PTDSS1: variants seen among roughly 807,000 people sequenced by gnomAD.
The protein encoded by PTDSS1 is PSS-1.
PTDSS1 carries 45 observed loss-of-function variants against 70.5 expected under a neutral mutation model. That is an observed-to-expected ratio of 0.64 (90% CI 0.50 to 0.82). The LOEUF is 0.82. Among genes scored for constraint, PTDSS1 ranks in the 40% least tolerant of loss-of-function variants. The probability of loss-of-function intolerance (pLI) is 0.00; values close to 1 mark genes in which losing one functional copy is unlikely to be tolerated. For missense variants in PTDSS1, 417 were observed against 586.1 expected (o/e 0.71, Z 2.98); for synonymous variants, 188 against 203.8 (o/e 0.92, Z 0.66).
chr8:96,263,350 C>T (rs1810439545), intron 1 of PTDSS1, among the ~76,000 whole-genome samples: 1 of 152,162 alleles, frequency 6.6e-6, no homozygotes, highest in Admixed American at 6.5e-5. Context: ...GGAAGTCACA[C>T]CTCTCTCACC....
rs762322180 is a variant in PTDSS1, at chr8:96,333,638, C to T, written c.*72C>T. The T allele has an allele frequency of 9.7e-6, 14 of 1,450,412 alleles. No homozygotes were observed. The highest frequency in any genetic ancestry group is 3.4e-5 in the Admixed American group (2 of 59,280). The allele number at this position is 1,450,412 out of a possible 1,614,324, so 89.8% of individuals were successfully genotyped here. On this transcript the variant is annotated 3_prime_UTR_variant, in exon 13 of 13. Transcript: ENST00000517309. The stretch of plus-strand genomic sequence containing the variant: ...GGGAAATGGAACTCATTTGGAACTC[C>T]CCGTGAGGAGGTCGAGGCGCACAGG...
At chr8:96,295,386 C>CT in intron 5 of PTDSS1, 130 bp downstream of exon 5, 1 of 992,774 alleles carries the variant, frequency 1.0e-6, no homozygotes, top group East Asian at 3.1e-5. Context: ...GTATTTAAAC[C>CT]ATCCCATAAG....
In PTDSS1 at chr8:96,333,740, G is replaced by A. The variant is rs1235890747; in HGVS notation, c.*174G>A. On this transcript the variant is annotated 3_prime_UTR_variant, in exon 13 of 13. Transcript: ENST00000517309. ...TCTTGTTTCCCACAGACCTGGCCGC[G>A]TCAGGCAGATCATCGCCTGGGGGGC... 2 of 739,194 alleles carry A rather than the reference G, an allele frequency of 2.7e-6. No individual in the cohort carries two copies. The highest frequency in any genetic ancestry group is 1.7e-5 in the African/African-American group (1 of 57,870). 45.8% of individuals were successfully genotyped at this position (739,194 alleles called of 1,614,324 possible).
chr8:96,294,205 G>A (rs990353442), intron 4 of PTDSS1, among the ~76,000 whole-genome samples: 1 of 152,196 alleles, frequency 6.6e-6, no homozygotes, highest in Non-Finnish European at 1.5e-5. Flanking sequence ...AAGAGACAGG[G>A]AAGCTCTTTT....
At chr8:96,310,332 G>T (rs190782836) in intron 9 of PTDSS1, among the ~76,000 whole-genome samples, 2,208 of 151,266 alleles carry the variant, frequency 0.015, 22 homozygotes, top group South Asian at 0.04. Context: ...ACCCTACTAA[G>T]TTTTGTATTT....
At chr8:96,310,234 G>A (rs1276316281) in intron 9 of PTDSS1, among the ~76,000 whole-genome samples, 3 of 147,450 alleles carry the variant, frequency 2.0e-5, no homozygotes, top group Non-Finnish European at 4.5e-5. Context: ...GCATGATCTC[G>A]GCTCACTGCA....
intron 4 of PTDSS1, among the ~76,000 whole-genome samples, chr8:96,287,815 AT>A (rs1417316066): frequency 1.3e-5 from 2 of 152,246 alleles, no homozygotes; most frequent in African/African-American, 4.8e-5. Flanking sequence ...GAGACTAATT[AT>A]GTGGGAAAAA....
intron 4 of PTDSS1, among the ~76,000 whole-genome samples, chr8:96,293,488 G>T (rs763886613): frequency 8.5e-5 from 13 of 152,254 alleles, no homozygotes; most frequent in Non-Finnish European, 1.5e-4. Flanking sequence ...ACTGTCTTCA[G>T]TTAAAGCCTG....
At chr8:96,283,977 GAA>G (rs56658341) in intron 2 of PTDSS1, 130 bp from the exon 3 acceptor site, 254 of 533,864 alleles carry the variant, frequency 4.8e-4, no homozygotes, top group Middle Eastern at 1.4e-3. Context: ...TGTTTATGTA[GAA>G]AAAAAAAAAA....
intron 9 of PTDSS1, 76 bp from the exon 10 acceptor site, chr8:96,320,170 A>T: frequency 7.9e-7 from 1 of 1,269,272 alleles, no homozygotes; most frequent in African/African-American, 1.5e-5. Context: ...TTTTCATTCA[A>T]TCATGCATAT....
chr8:96,322,911 A>C (rs1811392216), intron 10 of PTDSS1, among the ~76,000 whole-genome samples: 1 of 151,996 alleles, frequency 6.6e-6, no homozygotes, highest in Non-Finnish European at 1.5e-5. Context: ...CACAGCCAAG[A>C]AGAACTATGC....
At chr8:96,325,284 C>G (rs1403688878) in intron 10 of PTDSS1, among the ~76,000 whole-genome samples, 2 of 152,174 alleles carry the variant, frequency 1.3e-5, no homozygotes, top group African/African-American at 4.8e-5. Context: ...TCATCACTGC[C>G]CTCCAAGGAT....
At chr8:96,329,157 G>C (rs916115097) in intron 10 of PTDSS1, among the ~76,000 whole-genome samples, 11 of 152,262 alleles carry the variant, frequency 7.2e-5, no homozygotes, top group Admixed American at 2.6e-4. Flanking sequence ...CCCACAGTTG[G>C]TGCAAGATGA....
chr8:96,287,360 G>A (rs914314758), intron 4 of PTDSS1: 2 of 558,386 alleles, frequency 3.6e-6, no homozygotes, highest in Non-Finnish European at 3.1e-6. Context: ...AGGGGTCTGT[G>A]AGGAAGAATG....
At chr8:96,275,918 T>C (rs1810634604) in intron 2 of PTDSS1, among the ~76,000 whole-genome samples, 1 of 152,212 alleles carries the variant, frequency 6.6e-6, no homozygotes, top group Admixed American at 6.5e-5. Context: ...ATTTCTCTTA[T>C]GTCCTCTGTC....
Position 96,273,429 on chromosome 8 carries a change from G to C in PTDSS1, c.271+39G>C, listed in dbSNP as rs76827815. 6.3e-3 allele frequency: 9,351 copies of C among 1,483,992 alleles called. 37 individuals are homozygous for C. Among genetic ancestry groups the C allele is most frequent in the Non-Finnish European group, 7.6e-3 (8,305 of 1,085,750 alleles). 91.9% of individuals were successfully genotyped at this position (1,483,992 alleles called of 1,614,324 possible). A position where few individuals can be genotyped will look rare whatever the true frequency, so the allele number is the denominator to read the frequency against. On this transcript the variant is annotated intron_variant, in intron 2 of 12. Transcript: ENST00000517309. ...TGCATTACCACATTTCTCCTATATTGTGCCTTTCTGGTTTTTTTGAGATGT... is the reference window on the plus strand; with the variant it reads ...TGCATTACCACATTTCTCCTATATTCTGCCTTTCTGGTTTTTTTGAGATGT...
chr8:96,265,966 G>T (rs944385681), intron 1 of PTDSS1, among the ~76,000 whole-genome samples: 2 of 152,182 alleles, frequency 1.3e-5, no homozygotes, highest in African/African-American at 4.8e-5. Flanking sequence ...AAATGCTTAC[G>T]CATATGTCTT....
chr8:96,313,017 A>T (rs1811234527), intron 9 of PTDSS1, among the ~76,000 whole-genome samples: 1 of 152,224 alleles, frequency 6.6e-6, no homozygotes, highest in African/African-American at 2.4e-5. Context: ...GAGAGGGAGC[A>T]GTGCCTTAAA....
chr8:96,318,075 A>T (rs1811321540), intron 9 of PTDSS1, among the ~76,000 whole-genome samples: 7 of 152,082 alleles, frequency 4.6e-5, no homozygotes, highest in Non-Finnish European at 1.0e-4. Context: ...CTGTAATCCC[A>T]GCACTTTGGG....
Sources: allele counts gnomAD v4.1 joint callset (sites outside exome capture counted in the v4.1 genomes callset), GRCh38; gene constraint gnomAD v4.1.1; transcripts MANE v1.5; gene names NCBI Gene and HGNC (gene_info 2026-07-23, HGNC 2026-07-21).